Variants in SPTBN1 observed in about 807,000 individuals in gnomAD.
SPTBN1 encodes spectrin beta chain, non-erythrocytic 1.
Under a neutral mutation model 266.4 loss-of-function variants are expected in SPTBN1, and 32 were observed. That is an observed-to-expected ratio of 0.12 (90% CI 0.09 to 0.16). SPTBN1 has a LOEUF of 0.16. SPTBN1 is among the 10% of genes least tolerant of loss of function. SPTBN1 has a pLI of 1.00. For missense variants in SPTBN1, 2,296 were observed against 3,067.1 expected (o/e 0.75, Z 5.94); for synonymous variants, 1,336 against 1,162.2 (o/e 1.15, Z -3.04).
At chr2:54,534,088 C>G (rs1408890005) in intron 2 of SPTBN1, among the ~76,000 whole-genome samples, 1 of 152,202 alleles carries the variant, frequency 6.6e-6, no homozygotes, top group Non-Finnish European at 1.5e-5. Flanking sequence ...GGCTGCAGGT[C>G]TCTGAGAACA....
rs1181208676 is a variant in SPTBN1, at chr2:54,593,993, C to G, written c.149-5099C>G. Among the ~76,000 whole-genome samples, 9 of 151,840 alleles carry G rather than the reference C, an allele frequency of 5.9e-5. No homozygotes were observed. In the South Asian group the frequency reaches 1.9e-3, roughly 32 times the overall value. On this transcript the variant is annotated intron_variant, in intron 2 of 35. Transcript: ENST00000356805. The stretch of plus-strand genomic sequence containing the variant: ...GGTTACAGGTGCGTGCCACCATGCC[C>G]GGCTAATTTTTGTATTTTTAGTAGA...
chr2:54,515,072 G>T (rs1351580871), intron 1 of SPTBN1, among the ~76,000 whole-genome samples: 1 of 152,180 alleles, frequency 6.6e-6, no homozygotes, highest in Non-Finnish European at 1.5e-5. Flanking sequence ...ATGAGTGCTT[G>T]TGACATTTTG....
At chr2:54,471,026 G>C (rs528205487) in intron 1 of SPTBN1, among the ~76,000 whole-genome samples, 3 of 152,140 alleles carry the variant, frequency 2.0e-5, no homozygotes, top group African/African-American at 4.8e-5. Context: ...TCTTCTTCCA[G>C]TGTGGCCCAG....
intron 2 of SPTBN1, among the ~76,000 whole-genome samples, chr2:54,569,971 T>C (rs1573436848): frequency 3.5e-5 from 5 of 141,328 alleles, no homozygotes; most frequent in African/African-American, 1.3e-4. Context: ...CTGAAACCAT[T>C]CCCCCCCCCC....
At chr2:54,538,465 A>G (rs1017695877) in intron 2 of SPTBN1, among the ~76,000 whole-genome samples, 1 of 152,242 alleles carries the variant, frequency 6.6e-6, no homozygotes, top group African/African-American at 2.4e-5. Flanking sequence ...CTTTTGGGGA[A>G]TAGACAATGT....
Position 54,664,536 on chromosome 2 carries a change from C to T in SPTBN1, c.6504C>T (p.Pro2168=), listed in dbSNP as rs1219209853. 7 of 1,614,080 alleles carry T rather than the reference C, an allele frequency of 4.3e-6. No individual in the cohort carries two copies. Among genetic ancestry groups the T allele is most frequent in the Non-Finnish European group, 5.9e-6 (7 of 1,180,040 alleles). Residue 2168 remains proline (P), a synonymous_variant, in exon 33 of 36, where the codon CCC becomes CCT. Transcript: ENST00000356805. This position sits in a 1 kb window ranked among gnomAD's most constrained non-coding sequence, Gnocchi z 5.6. ...GCTCTAAAGAGTCCAGCCCCATCCC[C>T]TCCCCGACCTCTGATCGTAAAGCCA... ...RTSSKESSPI[P]SPTSDRKAKT...
rs373710111 is a variant in SPTBN1, at chr2:54,644,496, C to T, written c.4179C>T (p.Asp1393=). Residue 1393 remains aspartate, a synonymous_variant, in exon 20 of 36, where the codon GAC becomes GAT. Transcript: ENST00000356805. ...TCACCCAGAGCTGTGCAGATCTAGA[C>T]AAATGGCTGCACGGCCTGGAGAGTC... ...ELFTQSCADL[D]KWLHGLESQI... 3 of 1,614,194 alleles carry T rather than the reference C, an allele frequency of 1.9e-6. No homozygotes were observed. The highest frequency in any genetic ancestry group is 2.5e-6 in the Non-Finnish European group (3 of 1,180,034).
intron 1 of SPTBN1, among the ~76,000 whole-genome samples, chr2:54,457,690 C>T (rs1464085549): frequency 6.6e-5 from 10 of 152,208 alleles, no homozygotes; most frequent in Non-Finnish European, 1.2e-4. Context: ...GCGCCTGCGG[C>T]CCCCGCCCGG....
Position 54,665,985 on chromosome 2 carries a change from G to A in SPTBN1, c.6730G>A (p.Ala2244Thr). 3 of 1,614,138 alleles carry A rather than the reference G, an allele frequency of 1.9e-6. No individual in the cohort carries two copies. Among genetic ancestry groups the A allele is most frequent in the Non-Finnish European group, 2.5e-6 (3 of 1,180,024 alleles). The change falls in exon 34 of 36, where the codon GCT becomes ACT. Residue 2244 changes from alanine (A) to threonine (T), a missense_variant. Physicochemically the swap from Ala to Thr is moderately conservative, Grantham distance 58. Around this residue, in one of 12 missense-constraint regions of SPTBN1, gnomAD observed 347 missense variants for 368.5 expected, o/e 0.94. Transcript: ENST00000356805. ...TTTCTACAAAGATGCAAAGACTGCTGCTTCTGGAATTCCCTACCACAGCGA... is the reference window on the plus strand; with the variant it reads ...TTTCTACAAAGATGCAAAGACTGCTACTTCTGGAATTCCCTACCACAGCGA... ...MGFYKDAKTA[A>T]SGIPYHSEVP...
chr2:54,462,096 A>G (rs1360143341), intron 1 of SPTBN1, among the ~76,000 whole-genome samples: 3 of 152,230 alleles, frequency 2.0e-5, no homozygotes, highest in African/African-American at 7.2e-5. Flanking sequence ...TTAGTTACTC[A>G]AGACCACAGT....
intron 2 of SPTBN1, among the ~76,000 whole-genome samples, chr2:54,589,342 G>T (rs1360982096): frequency 6.6e-6 from 1 of 152,170 alleles, no homozygotes; most frequent in Non-Finnish European, 1.5e-5. Context: ...GTTATTGTGG[G>T]TCTCCTCTCA....
intron 32 of SPTBN1, chr2:54,663,174 T>G (rs1681166592): frequency 6.6e-6 from 1 of 152,172 alleles, no homozygotes; most frequent in South Asian, 2.1e-4. Flanking sequence ...TTCCCAAGAG[T>G]TTACAGATCC....
At chr2:54,553,717 A>G (rs890458919) in intron 2 of SPTBN1, among the ~76,000 whole-genome samples, 1 of 152,172 alleles carries the variant, frequency 6.6e-6, no homozygotes, top group African/African-American at 2.4e-5. Flanking sequence ...TTCAAATCCC[A>G]AGGTTGAATG....
intron 2 of SPTBN1, among the ~76,000 whole-genome samples, chr2:54,542,652 G>A (rs1005532340): frequency 6.6e-6 from 1 of 152,172 alleles, no homozygotes; most frequent in Non-Finnish European, 1.5e-5. Context: ...AGGGAGGAAC[G>A]CCATTTTAGG....
At chr2:54,552,796 T>A (rs1316136993) in intron 2 of SPTBN1, among the ~76,000 whole-genome samples, 3 of 152,232 alleles carry the variant, frequency 2.0e-5, no homozygotes, top group Admixed American at 6.5e-5. Context: ...TAGCTTCACA[T>A]GTCCAAGCCC....
chr2:54,496,484 AT>A (rs533908385), intron 1 of SPTBN1, among the ~76,000 whole-genome samples: 377 of 151,150 alleles, frequency 2.5e-3, no homozygotes, highest in African/African-American at 8.9e-3. Context: ...AACAGCTAAC[AT>A]TTTTTTTGGA....
intron 7 of SPTBN1, among the ~76,000 whole-genome samples, chr2:54,619,999 G>C (rs1677887397): frequency 6.6e-6 from 1 of 152,252 alleles, no homozygotes; most frequent in African/African-American, 2.4e-5. Context: ...TCTGTTAAGA[G>C]CTGTCCTTTG....
chr2:54,642,884 T>C, intron 18 of SPTBN1, 99 bp from the exon 19 acceptor site: 1 of 1,422,774 alleles, frequency 7.0e-7, no homozygotes, highest in Non-Finnish European at 9.6e-7. Flanking sequence ...TGGAAACGTG[T>C]GTAGTATGCA....
At chr2:54,490,284 C>G (rs1668618113) in intron 1 of SPTBN1, among the ~76,000 whole-genome samples, 2 of 152,092 alleles carry the variant, frequency 1.3e-5, no homozygotes, top group Non-Finnish European at 1.5e-5. Context: ...GTTGGCCAGG[C>G]TGGTCTTGAA....
Sources: gnomAD v4.1 joint callset for allele counts (sites outside exome capture counted in the v4.1 genomes callset) on GRCh38, gnomAD v4.1.1 for gene constraint, gnomAD v4.1.1 regional missense constraint, Gnocchi (gnomAD v3.1) non-coding constraint, MANE v1.5 for transcripts, NCBI Gene and HGNC (gene_info 2026-07-23, HGNC 2026-07-21) for gene names.